The following AOPEP variants were observed in gnomAD, a reference collection of about 807,000 sequenced individuals.
AOPEP encodes aminopeptidase O.
Under a neutral mutation model 98.1 loss-of-function variants are expected in AOPEP, and 77 were observed. That is an observed-to-expected ratio of 0.78 (90% CI 0.65 to 0.95). AOPEP has a LOEUF of 0.95. Ranked by LOEUF, AOPEP falls within the 40% of genes least tolerant of loss-of-function variation. The pLI is 0.00. For synonymous variants in AOPEP, 346 were observed against 365.3 expected (o/e 0.95, Z 0.60); for missense variants, 1,024 against 1,024.7 (o/e 1.00, Z 0.01).
At chr9:95,111,623 G>T in the AOPEP span, 1 of 1,614,146 alleles carries the variant, frequency 6.2e-7, no homozygotes, top group South Asian at 1.1e-5. Flanking sequence ...GCTCTCAAAG[G>T]GACCTCCGCA....
intron 7 of AOPEP, among the ~76,000 whole-genome samples, chr9:94,946,786 CT>C (rs1299832035): frequency 6.6e-6 from 1 of 152,116 alleles, no homozygotes; most frequent in Non-Finnish European, 1.5e-5. Context: ...TGGTTGTTCT[CT>C]TTGTTGACAG....
chr9:94,837,010 G>A (rs1348289307), intron 5 of AOPEP, among the ~76,000 whole-genome samples: 8 of 152,056 alleles, frequency 5.3e-5, no homozygotes, highest in Admixed American at 4.6e-4. Context: ...TAGACCATTA[G>A]CAAGATTAAC....
intron 5 of AOPEP, among the ~76,000 whole-genome samples, chr9:94,912,241 T>C (rs2052157554): frequency 6.6e-6 from 1 of 152,052 alleles, no homozygotes; most frequent in African/African-American, 2.4e-5. Flanking sequence ...ACCACTAGAA[T>C]AGATAGTACC....
intron 5 of AOPEP, 135 bp from the exon 6 acceptor site, chr9:94,923,851 C>T (rs572626403): frequency 6.6e-5 from 33 of 498,486 alleles, no homozygotes; most frequent in East Asian, 5.3e-4. Context: ...GCATCTAAGC[C>T]GCAAGCCTAT....
intron 9 of AOPEP, among the ~76,000 whole-genome samples, chr9:94,957,422 G>A (rs2058541934): frequency 6.6e-6 from 1 of 152,150 alleles, no homozygotes; most frequent in Non-Finnish European, 1.5e-5. Flanking sequence ...TGGCCAGGCT[G>A]GTCTTGAACT....
At chr9:95,118,431 G>A in the AOPEP span, among the ~76,000 whole-genome samples, 1 of 152,196 alleles carries the variant, frequency 6.6e-6, no homozygotes, top group Admixed American at 6.5e-5. Flanking sequence ...TTTAAAAATT[G>A]AGGTAAAATC....
At chr9:94,999,109 T>G (rs1054661130) in intron 11 of AOPEP, among the ~76,000 whole-genome samples, 1 of 151,878 alleles carries the variant, frequency 6.6e-6, no homozygotes, top group Non-Finnish European at 1.5e-5. Context: ...AGATCCTCCC[T>G]TCTCCCATCC....
chr9:94,793,092 G>A (rs1025691492), intron 4 of AOPEP, among the ~76,000 whole-genome samples, 174 bp downstream of exon 4: 1 of 152,230 alleles, frequency 6.6e-6, no homozygotes, highest in Non-Finnish European at 1.5e-5. Context: ...AGGGCTAGGC[G>A]CAGTGGCTCA....
chr9:94,981,547 G>A (rs1016587472), intron 11 of AOPEP, among the ~76,000 whole-genome samples: 2 of 152,086 alleles, frequency 1.3e-5, no homozygotes, highest in African/African-American at 4.8e-5. Context: ...TACCCATTTC[G>A]GCCATGATTT....
chr9:94,760,265 T>G lies in AOPEP; in HGVS notation c.482T>G (p.Val161Gly). Residue 161 changes from valine (V) to glycine (G), a missense_variant, in exon 2 of 17, where the codon GTT becomes GGT. By Grantham distance (109) the Val-to-Gly change is moderately radical. Coordinates refer to ENST00000375315, the MANE Select transcript of AOPEP (RefSeq NM_001193329.3). ...GTGTTAAAAGTCGAGGAGGTGGATG[T>G]TGCTGCTGTGCCAGGTCTGGAAAAA... is the stretch of plus-strand genomic sequence containing the variant. ...LSVLKVEEVD[V>G]AAVPGLEKFT... 6.2e-7 allele frequency: 1 copy of G among 1,614,182 alleles called. No homozygotes were observed. Among genetic ancestry groups the G allele is most frequent in the Non-Finnish European group, 8.5e-7 (1 of 1,180,032 alleles).
chr9:95,067,769 T>A (rs113111079), intron 14 of AOPEP, among the ~76,000 whole-genome samples: 23 of 152,338 alleles, frequency 1.5e-4, no homozygotes, highest in African/African-American at 5.5e-4. Context: ...CACAGAGTTG[T>A]ACAACCATCA....
At chr9:95,000,162 AAGAG>A (rs891017284) in intron 11 of AOPEP, among the ~76,000 whole-genome samples, 1 of 152,242 alleles carries the variant, frequency 6.6e-6, no homozygotes, top group African/African-American at 2.4e-5. Flanking sequence ...GTGTTTATTT[AAGAG>A]AGAGACAAAA....
In AOPEP at chr9:94,972,755, A is replaced by G. The variant is rs918446848; in HGVS notation, c.1916+4954A>G. On this transcript the variant is annotated intron_variant, in intron 10 of 16. Coordinates refer to ENST00000375315, the MANE Select transcript of AOPEP (RefSeq NM_001193329.3). This position sits in a 1 kb window ranked among gnomAD's most constrained non-coding sequence, Gnocchi z 4.2. ...GGAGTTGGAGACCAGCCTGGCCAAC[A>G]TGGTAAAATCCCATCTCTACCAAAA... Among the ~76,000 whole-genome samples the G allele has an allele frequency of 1.3e-5, 2 of 152,178 alleles. No individual in the cohort carries two copies. The highest frequency in any genetic ancestry group is 4.1e-4 in the South Asian group (2 of 4,824).
In AOPEP at chr9:94,792,827, G is replaced by T. The variant is rs1043606052; in HGVS notation, c.1027G>T (p.Val343Leu). The T allele has an allele frequency of 5.6e-6, 9 of 1,613,686 alleles. No individual in the cohort carries two copies. The Admixed American group carries it at 1.0e-4, about 18-fold the overall frequency. Residue 343 changes from valine to leucine, a missense_variant, in exon 4 of 17, where the codon GTG (valine) becomes TTG (leucine). Val to Leu is a conservative substitution (Grantham distance 32). Transcript: ENST00000375315. ...GCCAGCCTCCACCTTCACAATTGCA[G>T]TGGGATGCTGGACAGAAATGAAGAT... ...PMPASTFTIA[V>L]GCWTEMKMET... is the part of the protein sequence containing the mutation.
At chr9:95,110,899 T>C in the AOPEP span, 1 of 1,281,834 alleles carries the variant, frequency 7.8e-7, no homozygotes, top group Non-Finnish European at 9.9e-7. Flanking sequence ...CATACTTAGC[T>C]GCTCTGTTAT....
At chr9:94,876,614 C>T (rs2046978459) in intron 5 of AOPEP, among the ~76,000 whole-genome samples, 1 of 152,172 alleles carries the variant, frequency 6.6e-6, no homozygotes, top group South Asian at 2.1e-4. Flanking sequence ...ATCTGCCTGC[C>T]TTGGCCTCCC....
At chr9:94,952,523 T>C (rs2058173493) in intron 7 of AOPEP, among the ~76,000 whole-genome samples, 1 of 152,210 alleles carries the variant, frequency 6.6e-6, no homozygotes, top group South Asian at 2.1e-4. Flanking sequence ...CTTGTACATG[T>C]GTGTGTGCAC....
At chr9:94,955,340 A>G (rs2058378506) in intron 8 of AOPEP, 61 bp downstream of exon 8, 6 of 1,003,424 alleles carry the variant, frequency 6.0e-6, no homozygotes, top group African/African-American at 1.6e-5. Context: ...AGGCCACACA[A>G]TTAAACAATG....
intron 5 of AOPEP, among the ~76,000 whole-genome samples, chr9:94,889,461 A>G (rs778905681): frequency 5.3e-4 from 80 of 152,294 alleles, no homozygotes; most frequent in Non-Finnish European, 8.8e-4. Flanking sequence ...TAAAACTGTT[A>G]TGAACATTCA....
Sources: allele counts gnomAD v4.1 joint callset (sites outside exome capture counted in the v4.1 genomes callset), GRCh38; gene constraint gnomAD v4.1.1; non-coding constraint Gnocchi (gnomAD v3.1); transcripts MANE v1.5; gene names NCBI Gene and HGNC (gene_info 2026-07-23, HGNC 2026-07-21).